CRYBB1: variants seen among roughly 807,000 people sequenced by gnomAD.
CRYBB1 encodes the protein beta-crystallin B1.
CRYBB1 carries 16 observed loss-of-function variants against 29.5 expected under a neutral mutation model. The ratio of observed to expected loss-of-function variants is 0.54; its 90% CI spans 0.37 to 0.82. The LOEUF is 0.82. CRYBB1 is among the 40% of genes least tolerant of loss of function. CRYBB1 has a pLI of 0.00. For missense variants in CRYBB1, 300 were observed against 350.5 expected, an observed-to-expected ratio of 0.86 and a Z score of 1.15; for synonymous variants, 127 against 136.7, an observed-to-expected ratio of 0.93 and a Z score of 0.49.
intron 3 of CRYBB1, among the ~76,000 whole-genome samples, chr22:26,611,535 C>G (rs5761633): frequency 6.7e-6 from 1 of 148,848 alleles, no homozygotes; most frequent in Non-Finnish European, 1.5e-5. Flanking sequence ...ACTGCAGTGG[C>G]GCAATCTCGG....
intron 4 of CRYBB1, among the ~76,000 whole-genome samples, chr22:26,602,895 G>A (rs919580331): frequency 5.3e-5 from 8 of 150,268 alleles, no homozygotes; most frequent in African/African-American, 1.7e-4. Flanking sequence ...AGGCCGAGGC[G>A]GGCAGATCAT....
chr22:26,616,209 A>G lies in CRYBB1; in HGVS notation c.111T>C (p.Thr37=). The G allele has an allele frequency of 6.2e-7, 1 of 1,614,044 alleles. No individual in the cohort carries two copies. The highest frequency in any genetic ancestry group is 1.1e-5 in the South Asian group (1 of 91,072). Residue 37 remains threonine (T), a synonymous_variant, in exon 2 of 6, where the codon ACT becomes ACC. Coordinates refer to ENST00000647684, the MANE Select transcript of CRYBB1 (RefSeq NM_001887.4). ...TAGGCACGGTTGTTGGGGCCAGGGT[A>G]GTGCCGGGACTAGGGGATGTTCCTG... ...PPAGTSPSPG[T]TLAPTTVPIT... is the part of the protein sequence containing the mutation.
At chr22:26,610,821 G>A (rs1267731291) in intron 3 of CRYBB1, among the ~76,000 whole-genome samples, 1 of 152,194 alleles carries the variant, frequency 6.6e-6, no homozygotes, top group Non-Finnish European at 1.5e-5. Flanking sequence ...GGGAAACTGA[G>A]GCTTGCACAC....
At chr22:26,606,416 C>G (rs1391585889) in intron 4 of CRYBB1, among the ~76,000 whole-genome samples, 1 of 152,130 alleles carries the variant, frequency 6.6e-6, no homozygotes, top group Non-Finnish European at 1.5e-5. Flanking sequence ...GTATTTTACA[C>G]TTATGACACA....
chr22:26,614,419 T>C (rs1484155918), intron 2 of CRYBB1, among the ~76,000 whole-genome samples: 1 of 152,048 alleles, frequency 6.6e-6, no homozygotes, highest in Non-Finnish European at 1.5e-5. Flanking sequence ...TTAGGAAAAA[T>C]AGAAAAGAAT....
chr22:26,599,991 C>T (rs1928770698), intron 5 of CRYBB1, among the ~76,000 whole-genome samples: 1 of 152,226 alleles, frequency 6.6e-6, no homozygotes, highest in African/African-American at 2.4e-5. Context: ...TATGAATACA[C>T]ATCCCATTAA....
chr22:26,600,138 A>C (rs1313545958), intron 5 of CRYBB1, among the ~76,000 whole-genome samples: 1 of 152,198 alleles, frequency 6.6e-6, no homozygotes, highest in Non-Finnish European at 1.5e-5. Context: ...GCGGTGGCTC[A>C]AGCCTGTAAT....
intron 2 of CRYBB1, among the ~76,000 whole-genome samples, chr22:26,614,102 C>A (rs1007948309): frequency 7.2e-5 from 11 of 152,212 alleles, no homozygotes; most frequent in African/African-American, 2.2e-4. Flanking sequence ...AAGATGTTAT[C>A]AATGACAATG....
Position 26,616,184 on chromosome 22 carries a change from T to C in CRYBB1, c.136A>G (p.Ile46Val). 1 of 1,614,198 alleles carries C rather than the reference T, an allele frequency of 6.2e-7. No homozygotes were observed. Among genetic ancestry groups the C allele is most frequent in the East Asian group, 2.2e-5 (1 of 44,872 alleles). Residue 46 changes from isoleucine to valine, a missense_variant, in exon 2 of 6, where the codon ATT (isoleucine) becomes GTT (valine). Coordinates refer to ENST00000647684, the MANE Select transcript of CRYBB1 (RefSeq NM_001887.4). ...AGTTCCGCCGCCTTGGCGCTGGTAATAGGCACGGTTGTTGGGGCCAGGGTA... is the reference window on the plus strand; with the variant it reads ...AGTTCCGCCGCCTTGGCGCTGGTAACAGGCACGGTTGTTGGGGCCAGGGTA... Reference protein sequence around the residue: ...GTTLAPTTVPITSAKAAELPP... With the variant: ...GTTLAPTTVPVTSAKAAELPP...
At chr22:26,613,365 A>T (rs1929240266) in intron 2 of CRYBB1, among the ~76,000 whole-genome samples, 1 of 152,206 alleles carries the variant, frequency 6.6e-6, no homozygotes, top group African/African-American at 2.4e-5. Flanking sequence ...GTTGCCCAAG[A>T]GAAACTCCTG....
chr22:26,607,176 C>T lies in CRYBB1; in HGVS notation c.432+713G>A, dbSNP rs190773839. ...TAGCTGGGATTACAGGCATGCGCCA[C>T]CACGCCCGGCTAATTTTTGTATTTT... On this transcript the variant is annotated intron_variant, in intron 4 of 5. Transcript: ENST00000647684. Among the ~76,000 whole-genome samples the T allele has an allele frequency of 1.2e-3, 179 of 152,082 alleles. 3 individuals are homozygous for T. The East Asian group carries it at 0.031, about 26-fold the overall frequency.
At position 26,599,325 on chromosome 22, in the gene CRYBB1, C is replaced by T. The variant is rs207477929; in HGVS notation, c.*165G>A. 11 of 643,088 alleles carry T rather than the reference C, an allele frequency of 1.7e-5. No individual in the cohort carries two copies. Among genetic ancestry groups the T allele is most frequent in the South Asian group, 5.9e-5 (3 of 50,950 alleles). The allele number at this position is 643,088 out of a possible 1,614,324, so 39.8% of individuals were successfully genotyped here. On this transcript the variant is annotated 3_prime_UTR_variant, in exon 6 of 6. Transcript: ENST00000647684. ...TTATTATCGTTGTAATTATTAAGAG[C>T]GAGGAAGTCACATCCCAGTAACTAT...
chr22:26,612,484 T>A (rs752422776), intron 2 of CRYBB1, among the ~76,000 whole-genome samples: 3 of 152,166 alleles, frequency 2.0e-5, no homozygotes, highest in Non-Finnish European at 4.4e-5. Context: ...CACCTCAGCC[T>A]CCGAGTAGTT....
Position 26,616,293 on chromosome 22 carries a change from G to C in CRYBB1, c.27C>G (p.Ala9=). The C allele has an allele frequency of 5.6e-6, 9 of 1,614,024 alleles. No homozygotes were observed. Among genetic ancestry groups the C allele is most frequent in the Non-Finnish European group, 7.6e-6 (9 of 1,179,956 alleles). ...CTGGGTTCACCGCCACTGTGGCCGA[G>C]GCCGAGGCCTTTGCAGCCTGAGACA... MSQAAKAS[A]SATVAVNPGP... The change falls in exon 2 of 6, where the codon GCC becomes GCG. Residue 9 remains alanine (A), a synonymous_variant. Coordinates refer to ENST00000647684, the MANE Select transcript of CRYBB1 (RefSeq NM_001887.4).
At chr22:26,602,305 C>T (rs747467000) in intron 4 of CRYBB1, among the ~76,000 whole-genome samples, 2 of 152,050 alleles carry the variant, frequency 1.3e-5, no homozygotes, top group East Asian at 3.9e-4. Flanking sequence ...ATTTATTGGC[C>T]GGGTGCCATG....
chr22:26,606,375 T>A (rs1928977834), intron 4 of CRYBB1, among the ~76,000 whole-genome samples: 2 of 152,322 alleles, frequency 1.3e-5, no homozygotes, highest in South Asian at 2.1e-4. Context: ...TTCTTTAAAA[T>A]TTTTTTTACT....
chr22:26,601,905 C>T lies in CRYBB1; in HGVS notation c.549G>A (p.Val183=), dbSNP rs1928831400. Residue 183 remains valine (V), a synonymous_variant, in exon 5 of 6, where the codon GTG becomes GTA. Coordinates refer to ENST00000647684, the MANE Select transcript of CRYBB1 (RefSeq NM_001887.4). ...TTCCACTGGAGACCTTCACGCTGCC[C>T]ACGCGGTCACTGAAGCCGTAGACCC... The part of the protein sequence containing the change: ...SLWVYGFSDR[V]GSVKVSSGTW... The T allele has an allele frequency of 6.2e-7, 1 of 1,612,242 alleles. No homozygotes were observed. Among genetic ancestry groups the T allele is most frequent in the Admixed American group, 1.7e-5 (1 of 59,988 alleles).
At chr22:26,602,136 G>T in intron 4 of CRYBB1, 115 bp from the exon 5 acceptor site, 1 of 1,359,754 alleles carries the variant, frequency 7.4e-7, no homozygotes, top group South Asian at 1.2e-5. Context: ...AGGCTGCTGG[G>T]GGACTCTCCA....
At chr22:26,615,524 T>C (rs907881793) in intron 2 of CRYBB1, among the ~76,000 whole-genome samples, 8 of 149,180 alleles carry the variant, frequency 5.4e-5, no homozygotes, top group African/African-American at 7.3e-5. Flanking sequence ...ATTCTTTTCT[T>C]TTTTTTTTTG....
Sources: gnomAD v4.1 joint callset for allele counts (sites outside exome capture counted in the v4.1 genomes callset) on GRCh38, gnomAD v4.1.1 for gene constraint, MANE v1.5 for transcripts, NCBI Gene and HGNC (gene_info 2026-07-23, HGNC 2026-07-21) for gene names.